AGK: variants seen among roughly 807,000 people sequenced by gnomAD.
AGK encodes the protein acylglycerol kinase.
In AGK, 52 loss-of-function variants were observed where a neutral mutation model predicts 66.4. The observed-to-expected ratio is 0.78, with a 90% CI of 0.63 to 0.99. The LOEUF (loss-of-function observed/expected upper bound fraction) is 0.99, where lower values mean the gene tolerates loss of function less well. AGK is among the 50% of genes least tolerant of loss of function. The pLI is 0.00. For missense variants in AGK, 451 were observed against 506.6 expected (o/e 0.89, Z 1.05); for synonymous variants, 182 against 181.1 (o/e 1.00, Z -0.04).
At position 141,631,389 on chromosome 7, in the gene AGK, C is replaced by T. The variant is rs183218802; in HGVS notation, c.589-2512C>T. Among the ~76,000 whole-genome samples, 46 of 152,270 alleles carry T rather than the reference C, an allele frequency of 3.0e-4. 1 individual carries two copies. The highest frequency in any genetic ancestry group is 3.7e-4 in the Non-Finnish European group (25 of 68,024). ...TTCTCACTTCAAAACAATTGTTCTACGTTATTATGCCATTTTATAGATCTG... is the reference window on the plus strand; with the variant it reads ...TTCTCACTTCAAAACAATTGTTCTATGTTATTATGCCATTTTATAGATCTG... On this transcript the variant is annotated intron_variant, in intron 9 of 15. Transcript: ENST00000649286.
intron 13 of AGK, among the ~76,000 whole-genome samples, chr7:141,648,931 G>GC (rs1283947932): frequency 6.6e-6 from 1 of 152,004 alleles, no homozygotes; most frequent in Non-Finnish European, 1.5e-5. Context: ...AGCTTGGCCT[G>GC]CAAGGGAAGT....
intron 9 of AGK, 61 bp from the exon 10 acceptor site, chr7:141,633,840 G>C (rs2116998198): frequency 7.0e-7 from 1 of 1,418,632 alleles, no homozygotes; most frequent in Non-Finnish European, 1.0e-6. Flanking sequence ...TGAGTACTTA[G>C]ATGTAAAGAG....
At position 141,616,912 on chromosome 7, in the gene AGK, C is replaced by A. The variant is rs1430608590; in HGVS notation, c.518+1347C>A. Among the ~76,000 whole-genome samples the A allele has an allele frequency of 3.3e-5, 5 of 152,068 alleles. No homozygotes were observed. The East Asian group carries it at 9.7e-4, about 30-fold the overall frequency. The stretch of plus-strand genomic sequence containing the variant: ...AGCTGGGACTACAGGCGCCCGCCAC[C>A]ACGCCCGGCTAATTTTTTGTATTTT... On this transcript the variant is annotated intron_variant, in intron 8 of 15. Coordinates refer to ENST00000649286, the MANE Select transcript of AGK (RefSeq NM_018238.4).
At chr7:141,607,657 AT>A (rs908196211) in intron 5 of AGK, among the ~76,000 whole-genome samples, 3 of 151,560 alleles carry the variant, frequency 2.0e-5, no homozygotes, top group South Asian at 2.1e-4. Context: ...TAATTTATCA[AT>A]TTTTTTTTCT....
chr7:141,616,642 TTC>T (rs1170335009), intron 8 of AGK, among the ~76,000 whole-genome samples: 1 of 152,192 alleles, frequency 6.6e-6, no homozygotes, highest in Admixed American at 6.5e-5. Flanking sequence ...TCATTCAAAC[TTC>T]TTTTATATTT....
intron 9 of AGK, among the ~76,000 whole-genome samples, chr7:141,632,114 C>T (rs776603371): frequency 1.3e-5 from 2 of 151,796 alleles, no homozygotes; most frequent in Non-Finnish European, 1.5e-5. Context: ...ACCTGTAATC[C>T]CAGCTACTCA....
chr7:141,559,858 A>C (rs1235767272), intron 2 of AGK, among the ~76,000 whole-genome samples: 3 of 151,934 alleles, frequency 2.0e-5, no homozygotes, highest in African/African-American at 7.3e-5. Flanking sequence ...TGTTAATGGG[A>C]TTGTGTTCTT....
At chr7:141,576,207 C>T (rs1375414365) in intron 2 of AGK, among the ~76,000 whole-genome samples, 1 of 152,044 alleles carries the variant, frequency 6.6e-6, no homozygotes, top group African/African-American at 2.4e-5. Context: ...AGCACTGGAA[C>T]ATACATTTAA....
intron 9 of AGK, among the ~76,000 whole-genome samples, chr7:141,630,553 G>A (rs548311048): frequency 1.3e-5 from 2 of 152,146 alleles, no homozygotes; most frequent in East Asian, 1.9e-4. Flanking sequence ...AATAATTTAT[G>A]TTTTGTTTTA....
intron 9 of AGK, among the ~76,000 whole-genome samples, chr7:141,632,131 TGAGGCAGGAGAATCACTTGAACCTGG>T: frequency 6.6e-6 from 1 of 151,674 alleles, no homozygotes; most frequent in East Asian, 1.9e-4. Flanking sequence ...CTCAGGAGGT[TGAGGCAGGAGAATCACTTGAACCTGG>T]GAGGCAGAGG....
intron 2 of AGK, among the ~76,000 whole-genome samples, chr7:141,577,816 T>A (rs1018012270): frequency 1.3e-5 from 2 of 148,530 alleles, no homozygotes; most frequent in Non-Finnish European, 3.0e-5. Context: ...AACATAAATC[T>A]TCTTTTTTTT....
intron 2 of AGK, among the ~76,000 whole-genome samples, chr7:141,565,721 T>G (rs1162529439): frequency 6.6e-6 from 1 of 152,226 alleles, no homozygotes; most frequent in Non-Finnish European, 1.5e-5. Flanking sequence ...TCATACATTC[T>G]AAAGGATTTT....
At position 141,623,531 on chromosome 7, in the gene AGK, T is replaced by G. The variant is rs550723653; in HGVS notation, c.588+1730T>G. 5.9e-5 allele frequency among the ~76,000 whole-genome samples: 9 copies of G among 152,272 alleles called. No homozygotes were observed. In the South Asian group the frequency reaches 1.5e-3, roughly 25 times the overall value. ...CACATCCTAATCCAGGGCAAGGCCC[T>G]AACTCTCTCCAATTTTATGAAGGCT... is the stretch of plus-strand genomic sequence containing the variant. On this transcript the variant is annotated intron_variant, in intron 9 of 15. Coordinates refer to ENST00000649286, the MANE Select transcript of AGK (RefSeq NM_018238.4).
chr7:141,623,836 T>C (rs1796879161), intron 9 of AGK, among the ~76,000 whole-genome samples: 1 of 152,178 alleles, frequency 6.6e-6, no homozygotes, highest in Non-Finnish European at 1.5e-5. Context: ...AATGCCTGGC[T>C]TCAAAGTTTG....
Position 141,615,531 on chromosome 7 carries a change from C to A in AGK, c.484C>A (p.His162Asn). 6.2e-7 allele frequency: 1 copy of A among 1,613,966 alleles called. No homozygotes were observed. Among genetic ancestry groups the A allele is most frequent in the South Asian group, 1.1e-5 (1 of 91,056 alleles). ...IPLGETSSLS[H>N]TLFAESGNKV... is the part of the protein sequence containing the mutation. ...ACTGGGAGAGACCAGTAGTTTGAGTCATACCCTCTTTGCCGAAAGTGGAAA... is the reference window on the plus strand; with the variant it reads ...ACTGGGAGAGACCAGTAGTTTGAGTAATACCCTCTTTGCCGAAAGTGGAAA... Residue 162 changes from histidine (H) to asparagine (N), a missense_variant, in exon 8 of 16, where the codon CAT (histidine) becomes AAT (asparagine). His to Asn is a moderately conservative substitution (Grantham distance 68). Coordinates refer to ENST00000649286, the MANE Select transcript of AGK (RefSeq NM_018238.4).
intron 1 of AGK, among the ~76,000 whole-genome samples, chr7:141,553,398 A>G (rs1419456161): frequency 7.2e-5 from 11 of 152,188 alleles, no homozygotes; most frequent in Admixed American, 7.2e-4. Flanking sequence ...TTCAAGGCTC[A>G]GGGAAGACTT....
chr7:141,619,699 G>A (rs746233408), intron 8 of AGK, among the ~76,000 whole-genome samples: 58 of 151,194 alleles, frequency 3.8e-4, no homozygotes, highest in Middle Eastern at 3.4e-3. Context: ...ACAAAAACCC[G>A]TCAAATAAAT....
chr7:141,596,610 A>G lies in AGK; in HGVS notation c.190A>G (p.Thr64Ala), dbSNP rs749193904. Residue 64 changes from threonine (T) to alanine (A), a missense_variant, in exon 4 of 16, where the codon ACT becomes GCT. Coordinates refer to ENST00000649286, the MANE Select transcript of AGK (RefSeq NM_018238.4). The stretch of plus-strand genomic sequence containing the variant: ...TCCCAATGCACAAGTGAAGAAGGCC[A>G]CTGTTTTTCTCAATCCTGCAGCTTG... ...IPPNAQVKKA[T>A]VFLNPAACKG... The G allele has an allele frequency of 2.8e-5, 45 of 1,614,082 alleles. No individual in the cohort carries two copies. Among genetic ancestry groups the G allele is most frequent in the Non-Finnish European group, 3.8e-5 (45 of 1,179,978 alleles).
chr7:141,641,910 T>G lies in AGK; in HGVS notation c.975+2T>G, dbSNP rs1369641547. 6.4e-7 allele frequency: 1 copy of G among 1,571,226 alleles called. No individual in the cohort carries two copies. Among genetic ancestry groups the G allele is most frequent in the South Asian group, 1.2e-5 (1 of 85,378 alleles). On this transcript the variant is annotated splice_donor_variant, in intron 13 of 15. Transcript: ENST00000649286. LOFTEE classifies it high-confidence loss of function. ...CGGAATAATCAGCTTGACCCGACAG[T>G]AAGTGTGCTTTTTTATTAGAAAAGC... is the stretch of plus-strand genomic sequence containing the variant.
Sources: gnomAD v4.1 joint callset for allele counts (sites outside exome capture counted in the v4.1 genomes callset) on GRCh38, gnomAD v4.1.1 for gene constraint, MANE v1.5 for transcripts, NCBI Gene and HGNC (gene_info 2026-07-23, HGNC 2026-07-21) for gene names.